FER: variants seen among roughly 807,000 people sequenced by gnomAD.
The protein encoded by FER is FER tyrosine kinase.
A neutral mutation model predicts 111.0 loss-of-function variants in FER; 63 were observed. The ratio of observed to expected loss-of-function variants is 0.57; its 90% confidence interval spans 0.46 to 0.70. The LOEUF (loss-of-function observed/expected upper bound fraction) is 0.70. Among genes scored for constraint, FER ranks in the 30% least tolerant of loss-of-function variants. The probability of loss-of-function intolerance (pLI) is 0.00; values close to 1 mark genes in which losing one functional copy is unlikely to be tolerated. For synonymous variants in FER, 327 were observed against 313.9 expected, an observed-to-expected ratio of 1.04 and a Z score of -0.44; for missense variants, 914 against 954.0, an observed-to-expected ratio of 0.96 and a Z score of 0.55.
At chr5:108,902,933 A>G (rs1172352699) in intron 10 of FER, among the ~76,000 whole-genome samples, 1 of 149,728 alleles carries the variant, frequency 6.7e-6, no homozygotes, top group Non-Finnish European at 1.5e-5. Context: ...ATTTATTAAG[A>G]GACATGTTCT....
At chr5:108,764,975 G>T (rs1375891516) in intron 1 of FER, among the ~76,000 whole-genome samples, 1 of 152,094 alleles carries the variant, frequency 6.6e-6, no homozygotes, top group Non-Finnish European at 1.5e-5. Context: ...TGCGCCCCAG[G>T]TATTTCTTTT....
At chr5:109,112,579 CTCTT>C (rs1054351858) in intron 17 of FER, among the ~76,000 whole-genome samples, 4 of 152,160 alleles carry the variant, frequency 2.6e-5, no homozygotes, top group African/African-American at 9.7e-5. Flanking sequence ...CTCTCACTCT[CTCTT>C]TCTTTTTCAT....
chr5:108,898,544 TC>T (rs1749500545), intron 10 of FER, among the ~76,000 whole-genome samples: 1 of 99,514 alleles, frequency 1.0e-5, no homozygotes, highest in Admixed American at 1.1e-4. Context: ...TCCCTTCCCC[TC>T]CCCTTCCTCC....
intron 10 of FER, chr5:108,924,831 C>T (rs1053275897): frequency 8.2e-7 from 1 of 1,218,418 alleles, no homozygotes; most frequent in Non-Finnish European, 1.0e-6. Flanking sequence ...ACCCAGGGCC[C>T]CAGACATTAT....
intron 16 of FER, among the ~76,000 whole-genome samples, chr5:109,058,409 T>A (rs916719364): frequency 9.2e-5 from 14 of 152,144 alleles, no homozygotes; most frequent in Non-Finnish European, 4.4e-5. Flanking sequence ...TTGAATATGT[T>A]TTCTTTGCTC....
intron 13 of FER, among the ~76,000 whole-genome samples, chr5:109,035,451 T>C (rs1231211821): frequency 1.3e-5 from 2 of 152,230 alleles, no homozygotes; most frequent in Non-Finnish European, 1.5e-5. Flanking sequence ...GCAAGTGCTC[T>C]GTTGTATGCA....
intron 9 of FER, among the ~76,000 whole-genome samples, chr5:108,892,282 A>G (rs1168989288): frequency 1.3e-5 from 2 of 152,198 alleles, no homozygotes; most frequent in Non-Finnish European, 2.9e-5. Context: ...CGTCCCACCA[A>G]CAGTGTAAAA....
chr5:109,094,173 C>CT (rs199951464), intron 16 of FER, among the ~76,000 whole-genome samples: 24,397 of 143,426 alleles, frequency 0.17, 2,237 homozygotes, highest in Middle Eastern at 0.27. Context: ...ACCTTTCCAG[C>CT]TTTTTTTTTT....
chr5:109,065,081 C>T (rs1179706745), intron 16 of FER, among the ~76,000 whole-genome samples: 3 of 152,056 alleles, frequency 2.0e-5, no homozygotes, highest in South Asian at 2.1e-4. Flanking sequence ...ACAAATTTTA[C>T]GTAAAATGGC....
rs1436136266 is a variant in FER at position 108,938,032 on chromosome 5, A to T, written c.1237-8098A>T. ...TTTTTTCCCTATCTCTCTCTCACAC[A>T]CACACACACACACACACACACACAC... On this transcript the variant is annotated intron_variant, in intron 10 of 19. Transcript: ENST00000281092. Among the ~76,000 whole-genome samples, 267 of 36,868 alleles carry T rather than the reference A, an allele frequency of 7.2e-3. 1 individual carries two copies. The highest frequency in any genetic ancestry group is 0.021 in the South Asian group (34 of 1,590). The allele number at this position is 36,868 out of a possible 152,430, so 24.2% of individuals were successfully genotyped here. A position where few individuals can be genotyped will look rare whatever the true frequency, so the allele number is the denominator to read the frequency against.
chr5:109,063,618 C>T (rs1379422043), intron 16 of FER, among the ~76,000 whole-genome samples: 3 of 151,932 alleles, frequency 2.0e-5, no homozygotes, highest in East Asian at 1.9e-4. Context: ...GTTTTGAGGC[C>T]GATTAAAAGA....
intron 17 of FER, among the ~76,000 whole-genome samples, chr5:109,157,481 GC>G (rs1755526672): frequency 6.6e-6 from 1 of 151,534 alleles, no homozygotes; most frequent in South Asian, 2.1e-4. Flanking sequence ...CATTGCTGTT[GC>G]TAGTGTTTTA....
At chr5:108,855,222 T>G (rs1410445719) in intron 5 of FER, among the ~76,000 whole-genome samples, 1 of 152,182 alleles carries the variant, frequency 6.6e-6, no homozygotes, top group Non-Finnish European at 1.5e-5. Context: ...AATTGTCATT[T>G]AAAGCCATGA....
rs944366240 is a variant in FER at position 109,188,508 on chromosome 5, G to A, written c.*933G>A. 2 of 151,954 alleles carry A rather than the reference G, an allele frequency of 1.3e-5. No homozygotes were observed. Among genetic ancestry groups the A allele is most frequent in the East Asian group, 3.9e-4 (2 of 5,166 alleles). The allele number at this position is 151,954 out of a possible 1,614,324, so 9.4% of individuals were successfully genotyped here. A position where few individuals can be genotyped will look rare whatever the true frequency, so the allele number is the denominator to read the frequency against. On this transcript the variant is annotated 3_prime_UTR_variant, in exon 20 of 20. Transcript: ENST00000281092. The stretch of plus-strand genomic sequence containing the variant: ...GCAAGAAACAGATTTGAACAGGAGG[G>A]TGGGCTGGAGAACAGAGCAGCTAAA...
rs969010176 is a variant in FER, at chr5:108,854,726, A to G, written c.482-13041A>G. ...CGAGGCAGATGGATCACTTGAGGCC[A>G]GGAGTTCAAGACCAACCTGGCCACT... On this transcript the variant is annotated intron_variant, in intron 5 of 19. Transcript: ENST00000281092. 3.9e-5 allele frequency among the ~76,000 whole-genome samples: 6 copies of G among 152,150 alleles called. No homozygotes were observed. In the East Asian group the frequency reaches 1.2e-3, roughly 29 times the overall value.
At chr5:109,119,291 T>C (rs1157040532) in intron 17 of FER, among the ~76,000 whole-genome samples, 1 of 152,216 alleles carries the variant, frequency 6.6e-6, no homozygotes, top group Non-Finnish European at 1.5e-5. Flanking sequence ...AGGAGCAGGT[T>C]GTTCAGTTTC....
rs545645706 is a variant in FER at position 108,986,943 on chromosome 5, A to G, written c.1656+27596A>G. ...TCAATGACGGTTCTTTTTTGCTTCC[A>G]TGTGAGTTTTAGGATTTTTTTTTTC... is the stretch of plus-strand genomic sequence containing the variant. On this transcript the variant is annotated intron_variant, in intron 13 of 19. Coordinates refer to ENST00000281092, the MANE Select transcript of FER (RefSeq NM_005246.4). Among the ~76,000 whole-genome samples the G allele has an allele frequency of 2.0e-5, 3 of 150,768 alleles. No individual in the cohort carries two copies. In the South Asian group the frequency reaches 6.3e-4, roughly 31 times the overall value.
At chr5:109,074,643 A>C (rs1017931017) in intron 16 of FER, among the ~76,000 whole-genome samples, 3 of 152,234 alleles carry the variant, frequency 2.0e-5, no homozygotes, top group African/African-American at 7.2e-5. Flanking sequence ...TAAATTAAAG[A>C]GGGCGGTCAG....
intron 8 of FER, among the ~76,000 whole-genome samples, chr5:108,875,469 T>C (rs1372810126): frequency 6.6e-6 from 1 of 152,176 alleles, no homozygotes. Context: ...TTTTTAATCA[T>C]CTATTTATTA....
Sources: gnomAD v4.1 joint callset for allele counts (sites outside exome capture counted in the v4.1 genomes callset) on GRCh38, gnomAD v4.1.1 for gene constraint, MANE v1.5 for transcripts, NCBI Gene and HGNC (gene_info 2026-07-23, HGNC 2026-07-21) for gene names.